CIB1: variants seen among roughly 807,000 people sequenced by gnomAD.
CIB1 encodes calcium and integrin binding 1.
A neutral mutation model predicts 25.0 loss-of-function variants in CIB1; 19 were observed. The observed-to-expected ratio is 0.76, with a 90% CI of 0.53 to 1.12. The LOEUF is 1.12. Among genes scored for constraint, CIB1 ranks in the 50% most tolerant of loss-of-function variants. The probability of loss-of-function intolerance (pLI) is 0.00; values close to 1 mark genes in which losing one functional copy is unlikely to be tolerated. For missense variants in CIB1, 236 were observed against 242.6 expected, an observed-to-expected ratio of 0.97 and a Z score of 0.18; for synonymous variants, 104 against 98.5, an observed-to-expected ratio of 1.06 and a Z score of -0.33.
the CIB1 span, chr15:90,257,926 C>A: frequency 1.8e-6 from 2 of 1,090,076 alleles, no homozygotes; most frequent in Non-Finnish European, 2.7e-6. Context: ...AAACTGCTAG[C>A]AGCCCTTCAA....
chr15:90,238,515 GAACCCA>G (rs1355872883), upstream of CIB1: 1 of 152,124 alleles, frequency 6.6e-6, no homozygotes, highest in East Asian at 1.9e-4. Context: ...AGAGCTGAAG[GAACCCA>G]AACTTGGACT....
chr15:90,257,220 A>T, the CIB1 span: 1 of 1,614,038 alleles, frequency 6.2e-7, no homozygotes, highest in Admixed American at 1.7e-5. Context: ...ATCTTCACAT[A>T]TGAGGAGGGC....
the CIB1 span, chr15:90,256,173 G>A: frequency 4.1e-5 from 66 of 1,614,160 alleles, no homozygotes; most frequent in South Asian, 1.4e-4. Flanking sequence ...GGTCGTCAGC[G>A]AAAAGCCCGC....
At chr15:90,256,594 TTTC>T in the CIB1 span, among the ~76,000 whole-genome samples, 1 of 33,024 alleles carries the variant, frequency 3.0e-5, no homozygotes, top group Non-Finnish European at 5.9e-5. Context: ...TCTTTCTTTC[TTTC>T]TTTCTTTCTT....
At chr15:90,253,936 T>C in the CIB1 span, among the ~76,000 whole-genome samples, 1 of 152,124 alleles carries the variant, frequency 6.6e-6, no homozygotes, top group Non-Finnish European at 1.5e-5. Flanking sequence ...GGCAGGAAGT[T>C]GAGGAAATTA....
At chr15:90,247,323 G>C in the CIB1 span, among the ~76,000 whole-genome samples, 23,808 of 143,954 alleles carry the variant, frequency 0.17, 2,339 homozygotes, top group African/African-American at 0.22. Flanking sequence ...TTAAGAGAGA[G>C]AGTCTCGCTG....
chr15:90,259,895 A>C, the CIB1 span, among the ~76,000 whole-genome samples: 4 of 152,254 alleles, frequency 2.6e-5, no homozygotes, highest in African/African-American at 9.6e-5. Flanking sequence ...ATACATACAA[A>C]TGAATTTCAG....
At chr15:90,263,750 G>T in the CIB1 span, 1 of 689,994 alleles carries the variant, frequency 1.4e-6, no homozygotes, top group Non-Finnish European at 2.7e-6. Flanking sequence ...CCTAGATTTT[G>T]CTAGGACAGG....
the CIB1 span, chr15:90,241,334 TG>T: frequency 6.2e-7 from 1 of 1,614,082 alleles, no homozygotes; most frequent in African/African-American, 1.3e-5. Context: ...ACCGGGAGCC[TG>T]ATCTCCCTGG....
chr15:90,230,989 T>G lies in CIB1; in HGVS notation c.499A>C (p.Thr167Pro), dbSNP rs771868093. The G allele has an allele frequency of 6.2e-7, 1 of 1,614,172 alleles. No homozygotes were observed. The highest frequency in any genetic ancestry group is 1.7e-5 in the Admixed American group (1 of 60,020). ...LEESDIDRDG[T>P]INLSEFQHVI... is the part of the protein sequence containing the mutation. ...TGCTGGAACTCAGAGAGGTTGATGG[T>G]TCCATCCCTGTCAATGTCAGACTCC... is the stretch of plus-strand genomic sequence containing the variant. The change falls in exon 6 of 7, where the codon ACC (threonine) becomes CCC (proline). Residue 167 changes from threonine to proline, a missense_variant. Thr to Pro is a conservative substitution (Grantham distance 38, BLOSUM62 -1). Transcript: ENST00000328649.
At chr15:90,238,634 G>C (rs1362973454), upstream of CIB1, 1 of 152,154 alleles carries the variant, frequency 6.6e-6, no homozygotes, top group African/African-American at 2.4e-5. Flanking sequence ...AGGCAGCCAG[G>C]GGAAGATGAA....
At chr15:90,257,829 T>G in the CIB1 span, 1 of 1,158,680 alleles carries the variant, frequency 8.6e-7, no homozygotes, top group Middle Eastern at 2.6e-4. Context: ...CCAGGGAAAC[T>G]CAGCCTTTAT....
At chr15:90,243,807 A>G in the CIB1 span, 2 of 145,912 alleles carry the variant, frequency 1.4e-5, no homozygotes, top group African/African-American at 5.2e-5. Flanking sequence ...GCGCCACCAC[A>G]CCCGGCTATT....
chr15:90,239,508 G>A, the CIB1 span, among the ~76,000 whole-genome samples: 1 of 152,122 alleles, frequency 6.6e-6, no homozygotes, highest in African/African-American at 2.4e-5. Flanking sequence ...GCAGCAGCAG[G>A]GAGATGTGCA....
intron 1 of CIB1, 53 bp from the exon 2 acceptor site, chr15:90,233,756 G>A (rs1352104540): frequency 5.2e-6 from 8 of 1,552,758 alleles, no homozygotes; most frequent in Non-Finnish European, 7.0e-6. Flanking sequence ...GGCCGCGGCC[G>A]CCCCGCAGCC....
At chr15:90,235,654 G>C (rs1419212831), upstream of CIB1, among the ~76,000 whole-genome samples, 3 of 151,688 alleles carry the variant, frequency 2.0e-5, no homozygotes, top group Admixed American at 2.0e-4. Flanking sequence ...TGCAAGCTCC[G>C]CCTCCTGGGT....
the CIB1 span, among the ~76,000 whole-genome samples, chr15:90,239,869 G>A: frequency 4.3e-3 from 650 of 152,324 alleles, 5 homozygotes; most frequent in African/African-American, 0.015. Context: ...AGGCTTCAGG[G>A]AGACATGTAT....
the CIB1 span, chr15:90,257,972 C>T: frequency 2.0e-6 from 3 of 1,471,936 alleles, no homozygotes; most frequent in Non-Finnish European, 2.8e-6. Flanking sequence ...TGTGAGGGAG[C>T]CTCCTGCCTA....
the CIB1 span, chr15:90,255,977 A>G: frequency 4.0e-5 from 63 of 1,591,116 alleles, no homozygotes; most frequent in African/African-American, 7.4e-4. Context: ...AATGTCTCAG[A>G]GGGATGGAAG....
Sources: allele counts gnomAD v4.1 joint callset (sites outside exome capture counted in the v4.1 genomes callset), GRCh38; gene constraint gnomAD v4.1.1; transcripts MANE v1.5; gene names NCBI Gene and HGNC (gene_info 2026-07-23, HGNC 2026-07-21).